ADGB: variants seen among roughly 807,000 people sequenced by gnomAD.
ADGB encodes calpain-7-like protein.
In ADGB, 172 loss-of-function variants were observed where a neutral mutation model predicts 210.5. That is an observed-to-expected ratio of 0.82 (90% CI 0.72 to 0.93). The LOEUF (loss-of-function observed/expected upper bound fraction) is 0.93, where lower values mean the gene tolerates loss of function less well. ADGB is among the 40% of genes least tolerant of loss of function. The pLI, the probability that ADGB is intolerant of heterozygous loss-of-function variation, is 0.00. For missense variants in ADGB, 2,025 were observed against 1,964.8 expected (o/e 1.03, Z -0.58); for synonymous variants, 658 against 662.7 (o/e 0.99, Z 0.11).
At chr6:146,686,338 T>C (rs1439789555) in intron 10 of ADGB, among the ~76,000 whole-genome samples, 1 of 152,068 alleles carries the variant, frequency 6.6e-6, no homozygotes, top group African/African-American at 2.4e-5. Flanking sequence ...TGTAGAAAAT[T>C]TAGAAAATGT....
At chr6:146,803,183 TCTC>T (rs1279162509) in intron 35 of ADGB, 9 of 1,496,374 alleles carry the variant, frequency 6.0e-6, no homozygotes, top group South Asian at 2.3e-5. Context: ...CACTTATACT[TCTC>T]CTTCTCCAGA....
intron 13 of ADGB, among the ~76,000 whole-genome samples, chr6:146,714,357 A>G (rs1776702117): frequency 6.6e-6 from 1 of 151,678 alleles, no homozygotes; most frequent in South Asian, 2.1e-4. Flanking sequence ...TTCTCAGTTA[A>G]TGGTCCTCTA....
chr6:146,766,611 C>T (rs931220829), intron 28 of ADGB, among the ~76,000 whole-genome samples: 2 of 151,932 alleles, frequency 1.3e-5, no homozygotes, highest in Non-Finnish European at 1.5e-5. Flanking sequence ...AACGATAATT[C>T]AAAGTCCTCT....
intron 12 of ADGB, among the ~76,000 whole-genome samples, chr6:146,700,594 C>T (rs1348800290): frequency 6.6e-6 from 1 of 152,076 alleles, no homozygotes; most frequent in Non-Finnish European, 1.5e-5. Flanking sequence ...ATTTCTGACT[C>T]CTAGTTCTGT....
At chr6:146,802,683 A>G in intron 35 of ADGB, 4 of 1,003,126 alleles carry the variant, frequency 4.0e-6, no homozygotes, top group Non-Finnish European at 5.8e-6. Flanking sequence ...TAAAAGAAAA[A>G]ATAGTTTTGA....
chr6:146,731,278 A>T (rs1714595548), intron 20 of ADGB, among the ~76,000 whole-genome samples: 1 of 152,012 alleles, frequency 6.6e-6, no homozygotes, highest in Non-Finnish European at 1.5e-5. Context: ...CCCTTAAGTA[A>T]ACTCTTATCC....
intron 1 of ADGB, among the ~76,000 whole-genome samples, chr6:146,600,121 T>C (rs1408983075): frequency 6.6e-6 from 1 of 152,200 alleles, no homozygotes; most frequent in African/African-American, 2.4e-5. Flanking sequence ...TCTAGTCCCT[T>C]AGTTCTAACC....
At chr6:146,740,392 T>C (rs1429403785) in intron 23 of ADGB, 67 bp from the exon 24 acceptor site, 1 of 1,341,460 alleles carries the variant, frequency 7.5e-7, no homozygotes, top group African/African-American at 1.5e-5. Context: ...TCATTTCTTT[T>C]TGTAAATAGA....
At chr6:146,696,675 G>A (rs1776407835) in intron 12 of ADGB, among the ~76,000 whole-genome samples, 1 of 152,074 alleles carries the variant, frequency 6.6e-6, no homozygotes, top group Non-Finnish European at 1.5e-5. Context: ...CACATTGTTT[G>A]TTTTACTGCT....
At chr6:146,715,874 C>A (rs199952394) in intron 14 of ADGB, among the ~76,000 whole-genome samples, 3 of 151,820 alleles carry the variant, frequency 2.0e-5, no homozygotes, top group South Asian at 2.1e-4. Flanking sequence ...TCGAGACCAT[C>A]CTGGCCAACA....
chr6:146,763,675 T>C (rs1777532230), intron 27 of ADGB, among the ~76,000 whole-genome samples: 1 of 152,202 alleles, frequency 6.6e-6, no homozygotes, highest in Non-Finnish European at 1.5e-5. Context: ...TATATACTTT[T>C]AGAAATAAGT....
At chr6:146,732,582 A>AAC (rs1222947290) in intron 20 of ADGB, among the ~76,000 whole-genome samples, 2 of 151,918 alleles carry the variant, frequency 1.3e-5, no homozygotes, top group African/African-American at 2.4e-5. Context: ...TTTTGGTAAA[A>AAC]AAAAAAAATC....
At chr6:146,803,862 G>A (rs1778170925) in intron 35 of ADGB, 2 of 360,554 alleles carry the variant, frequency 5.5e-6, no homozygotes, top group Non-Finnish European at 1.0e-5. Context: ...CGGCCTGCCG[G>A]GATAGCTGGG....
chr6:146,614,745 ATTGGC>A (rs1361369027), intron 1 of ADGB, among the ~76,000 whole-genome samples: 1 of 152,214 alleles, frequency 6.6e-6, no homozygotes. Flanking sequence ...ATGAGGTTGA[ATTGGC>A]TCACAGTTCT....
chr6:146,784,482 A>T, intron 30 of ADGB, 136 bp from the exon 31 acceptor site: 2 of 721,004 alleles, frequency 2.8e-6, no homozygotes, highest in Non-Finnish European at 4.1e-6. Flanking sequence ...ACATTTTCGT[A>T]CAAGTCTTTT....
intron 29 of ADGB, among the ~76,000 whole-genome samples, chr6:146,769,522 T>C (rs1471822255): frequency 3.3e-5 from 5 of 152,164 alleles, no homozygotes. Context: ...CACAAATTCT[T>C]CAATTCCAGA....
chr6:146,766,719 T>C (rs779750100), intron 28 of ADGB, among the ~76,000 whole-genome samples: 1 of 152,078 alleles, frequency 6.6e-6, no homozygotes, highest in African/African-American at 2.4e-5. Context: ...AAACAAACAA[T>C]ATAACTTTTC....
chr6:146,802,156 C>T, intron 35 of ADGB, 145 bp downstream of exon 35: 1 of 533,472 alleles, frequency 1.9e-6, no homozygotes, highest in South Asian at 6.7e-5. Context: ...AGGAAAACAT[C>T]ACAAATTTGA....
intron 32 of ADGB, among the ~76,000 whole-genome samples, chr6:146,786,274 G>C (rs1358243128): frequency 6.6e-6 from 1 of 150,532 alleles, no homozygotes; most frequent in East Asian, 1.9e-4. Context: ...CTCAGTAATA[G>C]TCTAAGTTCA....
Sources: gnomAD v4.1 joint callset for allele counts (sites outside exome capture counted in the v4.1 genomes callset) on GRCh38, gnomAD v4.1.1 for gene constraint, MANE v1.5 for transcripts, NCBI Gene and HGNC (gene_info 2026-07-23, HGNC 2026-07-21) for gene names.